Variants in FBXO10 observed in about 807,000 individuals in gnomAD.
The protein encoded by FBXO10 is F-box only protein 10.
FBXO10 carries 39 observed loss-of-function variants against 80.7 expected under a neutral mutation model. The ratio of observed to expected loss-of-function variants is 0.48; its 90% CI spans 0.37 to 0.63. FBXO10 has a LOEUF of 0.63. Ranked by LOEUF, FBXO10 falls within the 30% of genes least tolerant of loss-of-function variation. The probability of loss-of-function intolerance (pLI) is 0.00; values close to 1 mark genes in which losing one functional copy is unlikely to be tolerated. For missense variants in FBXO10, 1,025 were observed against 1,269.0 expected, an observed-to-expected ratio of 0.81 and a Z score of 2.92; for synonymous variants, 449 against 489.6, an observed-to-expected ratio of 0.92 and a Z score of 1.09.
At chr9:37,561,503 A>G (rs1441625624) in intron 1 of FBXO10, among the ~76,000 whole-genome samples, 2 of 152,164 alleles carry the variant, frequency 1.3e-5, no homozygotes, top group African/African-American at 4.8e-5. Flanking sequence ...CTTGGCTCTC[A>G]ACAAGCAGGC....
At chr9:37,533,367 G>A (rs866385918) in intron 3 of FBXO10, among the ~76,000 whole-genome samples, 4 of 151,732 alleles carry the variant, frequency 2.6e-5, no homozygotes, top group African/African-American at 4.8e-5. Flanking sequence ...CCAACACGGT[G>A]AAGCCTCGTT....
chr9:37,532,151 G>T, intron 3 of FBXO10, 93 bp from the exon 4 acceptor site: 1 of 1,368,424 alleles, frequency 7.3e-7, no homozygotes, highest in Non-Finnish European at 1.0e-6. Flanking sequence ...CGCACCACCT[G>T]ATCCATGCAG....
intron 1 of FBXO10, among the ~76,000 whole-genome samples, chr9:37,552,172 G>T (rs988589167): frequency 6.6e-6 from 1 of 152,142 alleles, no homozygotes; most frequent in Non-Finnish European, 1.5e-5. Flanking sequence ...CCCAGGCCCT[G>T]GCCAGAACCA....
intron 1 of FBXO10, among the ~76,000 whole-genome samples, chr9:37,551,738 T>A (rs1822203147): frequency 6.6e-6 from 1 of 151,438 alleles, no homozygotes; most frequent in Non-Finnish European, 1.5e-5. Flanking sequence ...ACACCCTTGG[T>A]TTTCTCTTCT....
rs763774709 is a variant in FBXO10, at chr9:37,537,281, C to T, written c.1248G>A (p.Lys416=). The change falls in exon 3 of 11, where the codon AAG becomes AAA. Residue 416 remains lysine (K), a synonymous_variant. Transcript: ENST00000432825. ...TGGCCAGTGCCATGGCCTCCTTATC[C>T]TTCTGCAGCTCCTGCTGCAGTGAGT... The part of the protein sequence containing the change: ...VLNSLQQELQ[K]DKEAMALANS... 38 of 1,613,498 alleles carry T rather than the reference C, an allele frequency of 2.4e-5. No homozygotes were observed. The highest frequency in any genetic ancestry group is 3.1e-5 in the Non-Finnish European group (36 of 1,179,728).
intron 9 of FBXO10, among the ~76,000 whole-genome samples, chr9:37,516,401 C>T (rs1821179018): frequency 6.6e-6 from 1 of 152,176 alleles, no homozygotes; most frequent in African/African-American, 2.4e-5. Flanking sequence ...ACTGGCAACC[C>T]AACTGAGACG....
intron 4 of FBXO10, among the ~76,000 whole-genome samples, chr9:37,530,021 A>T (rs1042862680): frequency 2.0e-5 from 3 of 152,096 alleles, no homozygotes; most frequent in Admixed American, 6.6e-5. Context: ...AAACAGGCCC[A>T]CGATTATATA....
chr9:37,540,397 G>A (rs1564343872), intron 2 of FBXO10, among the ~76,000 whole-genome samples: 1 of 151,948 alleles, frequency 6.6e-6, no homozygotes, highest in African/African-American at 2.4e-5. Context: ...TGTTGGTCTC[G>A]AACTCCTGAC....
Position 37,537,445 on chromosome 9 carries a change from C to A in FBXO10, c.1084G>T (p.Gly362Cys), listed in dbSNP as rs758100473. 2 of 1,602,828 alleles carry A rather than the reference C, an allele frequency of 1.2e-6. No individual in the cohort carries two copies. The highest frequency in any genetic ancestry group is 2.2e-5 in the South Asian group (2 of 89,242). The change falls in exon 3 of 11, where the codon GGT becomes TGT. Residue 362 changes from glycine (G) to cysteine (C), a missense_variant. By Grantham distance (159) the Gly-to-Cys change is radical. This residue lies in a region of FBXO10 where 450 missense variants were observed against 499.4 expected (regional missense o/e 0.90). Transcript: ENST00000432825. Reference sequence around the variant, plus strand: ...AGCTGGTCCTCATCTTCATCCTCACCGCTGGGACTCAGGCCTCCATCGCTG... The same window carrying A: ...AGCTGGTCCTCATCTTCATCCTCACAGCTGGGACTCAGGCCTCCATCGCTG... The part of the protein sequence containing the change: ...DSSDGGLSPS[G>C]EDEDEDQLMY...
rs1192502111 is a variant in FBXO10 at position 37,537,464 on chromosome 9, A to T, written c.1065T>A (p.Asp355Glu). The T allele has an allele frequency of 6.2e-6, 10 of 1,606,282 alleles. No individual in the cohort carries two copies. Among genetic ancestry groups the T allele is most frequent in the African/African-American group, 1.3e-5 (1 of 74,802 alleles). The change falls in exon 3 of 11, where the codon GAT becomes GAA. Residue 355 changes from aspartate (D) to glutamate (E), a missense_variant. Asp to Glu is a conservative substitution (Grantham distance 45). Around this residue, in one of 3 missense-constraint regions of FBXO10, gnomAD observed 450 missense variants for 499.4 expected, o/e 0.90. Coordinates refer to ENST00000432825, the MANE Select transcript of FBXO10 (RefSeq NM_012166.3). ...ERVAQTPDSS[D>E]GGLSPSGEDE... ...CCTCACCGCTGGGACTCAGGCCTCCATCGCTGCTGTCCGGGGTCTGGGCCA... is the reference window on the plus strand; with the variant it reads ...CCTCACCGCTGGGACTCAGGCCTCCTTCGCTGCTGTCCGGGGTCTGGGCCA...
intron 1 of FBXO10, among the ~76,000 whole-genome samples, chr9:37,572,532 C>T (rs774795084): frequency 1.3e-5 from 2 of 152,152 alleles, no homozygotes; most frequent in East Asian, 1.9e-4. Flanking sequence ...ATCTCACAAA[C>T]AAGTTGAGCA....
chr9:37,553,676 C>T (rs561310566), intron 1 of FBXO10, among the ~76,000 whole-genome samples: 80 of 150,946 alleles, frequency 5.3e-4, no homozygotes, highest in African/African-American at 1.8e-3. Context: ...GAGGCCGAGG[C>T]GGGCAGATCA....
intron 1 of FBXO10, among the ~76,000 whole-genome samples, chr9:37,563,993 G>A (rs901416586): frequency 6.6e-6 from 1 of 152,152 alleles, no homozygotes; most frequent in African/African-American, 2.4e-5. Flanking sequence ...TCCCATCACA[G>A]GCCCAAGGCC....
chr9:37,541,382 G>C lies in FBXO10; in HGVS notation c.387C>G (p.Ser129Arg). 6.2e-7 allele frequency: 1 copy of C among 1,614,016 alleles called. No individual in the cohort carries two copies. ...DSLGSALAMA[S>R]LYDRIVLFPG... Reference sequence around the variant, plus strand: ...GGAAGAGCACAATTCGGTCATACAGGCTGGCCATGGCCAAGGCACTGCCCA... The same window carrying C: ...GGAAGAGCACAATTCGGTCATACAGCCTGGCCATGGCCAAGGCACTGCCCA... Residue 129 changes from serine to arginine, a missense_variant, in exon 2 of 11, where the codon AGC (serine) becomes AGG (arginine). Around this residue, in one of 3 missense-constraint regions of FBXO10, gnomAD observed 450 missense variants for 499.4 expected, o/e 0.90. Coordinates refer to ENST00000432825, the MANE Select transcript of FBXO10 (RefSeq NM_012166.3).
chr9:37,563,625 G>A (rs1411359340), intron 1 of FBXO10, among the ~76,000 whole-genome samples: 6 of 152,128 alleles, frequency 3.9e-5, no homozygotes, highest in Admixed American at 2.6e-4. Flanking sequence ...CTTAGGAACC[G>A]GAGTAAAGGT....
intron 1 of FBXO10, among the ~76,000 whole-genome samples, chr9:37,546,373 G>A (rs750459671): frequency 1.3e-5 from 2 of 152,080 alleles, no homozygotes; most frequent in Non-Finnish European, 2.9e-5. Flanking sequence ...GGGGTGGGGA[G>A]GAGGGGCAGT....
Position 37,541,141 on chromosome 9 carries a change from G to A in FBXO10, c.585+43C>T, listed in dbSNP as rs1821901929. On this transcript the variant is annotated intron_variant, in intron 2 of 10. Transcript: ENST00000432825. ...AGCCCAGAAAAGAGGGCAAGCCTCT[G>A]GGGTCAGAACTAGAAAGGCCGTCTA... The A allele has an allele frequency of 4.0e-6, 6 of 1,503,638 alleles. No individual in the cohort carries two copies. The East Asian group carries it at 6.8e-5, about 17-fold the overall frequency. 93.1% of individuals were successfully genotyped at this position (1,503,638 alleles called of 1,614,324 possible).
chr9:37,529,302 C>T (rs781754680), intron 4 of FBXO10, 42 bp from the exon 5 acceptor site: 114 of 1,574,470 alleles, frequency 7.2e-5, no homozygotes, highest in Non-Finnish European at 9.2e-5. Flanking sequence ...AGATCAGACA[C>T]GTCAGCGAAG....
chr9:37,566,458 G>GA (rs1563891214), intron 1 of FBXO10, among the ~76,000 whole-genome samples: 2,778 of 37,882 alleles, frequency 0.073, 198 homozygotes, highest in African/African-American at 0.26. Context: ...ACTCTGTCTC[G>GA]GAAAAAAAAA....
Sources: allele counts gnomAD v4.1 joint callset (sites outside exome capture counted in the v4.1 genomes callset), GRCh38; gene constraint gnomAD v4.1.1; regional missense constraint gnomAD v4.1.1; transcripts MANE v1.5; gene names NCBI Gene and HGNC (gene_info 2026-07-23, HGNC 2026-07-21).